The following ZKSCAN3 variants were observed in gnomAD, a reference collection of about 807,000 sequenced individuals.
The protein encoded by ZKSCAN3 is zinc finger with KRAB and SCAN domains 3.
ZKSCAN3 carries 21 observed loss-of-function variants against 30.7 expected under a neutral mutation model. The observed-to-expected ratio is 0.68, with a 90% CI of 0.49 to 0.99. The LOEUF is 0.99. Ranked by LOEUF, ZKSCAN3 falls within the 50% of genes least tolerant of loss-of-function variation. The pLI, the probability that ZKSCAN3 is intolerant of heterozygous loss-of-function variation, is 0.00. For synonymous variants in ZKSCAN3, 201 were observed against 246.7 expected (o/e 0.81, Z 1.73); for missense variants, 507 against 647.1 (o/e 0.78, Z 2.35).
Position 28,367,277 on chromosome 6 carries a change from T to A in ZKSCAN3, c.*992T>A, listed in dbSNP as rs1766004152. ...TTCTAGTGCAAATGCCTTAAAAAGC[T>A]TATCACTAAATCATTACGAATGTGT... On this transcript the variant is annotated 3_prime_UTR_variant, in exon 6 of 6. Coordinates refer to ENST00000252211, the MANE Select transcript of ZKSCAN3 (RefSeq NM_024493.4). 1 of 151,238 alleles carries A rather than the reference T, an allele frequency of 6.6e-6. No homozygotes were observed. Among genetic ancestry groups the A allele is most frequent in the Non-Finnish European group, 1.5e-5 (1 of 67,958 alleles). 9.4% of individuals were successfully genotyped at this position (151,238 alleles called of 1,614,324 possible).
At chr6:28,350,970 A>G (rs1764968794) in intron 1 of ZKSCAN3, among the ~76,000 whole-genome samples, 1 of 152,148 alleles carries the variant, frequency 6.6e-6, no homozygotes, top group Non-Finnish European at 1.5e-5. Context: ...CAAAAATCTG[A>G]TGTCCTGCTT....
chr6:28,363,653 G>A, intron 4 of ZKSCAN3, 39 bp from the exon 5 acceptor site: 1 of 1,613,100 alleles, frequency 6.2e-7, no homozygotes, highest in Non-Finnish European at 8.5e-7. Context: ...CCACCATTTT[G>A]GTCAGCCCCT....
At chr6:28,353,157 C>T (rs1278693582) in intron 1 of ZKSCAN3, among the ~76,000 whole-genome samples, 2 of 151,848 alleles carry the variant, frequency 1.3e-5, no homozygotes, top group East Asian at 1.9e-4. Context: ...TTAGTAGAGA[C>T]GGGGTTTCAC....
At chr6:28,364,883 A>C (rs1034412927) in intron 5 of ZKSCAN3, among the ~76,000 whole-genome samples, 4 of 151,980 alleles carry the variant, frequency 2.6e-5, no homozygotes, top group African/African-American at 9.7e-5. Context: ...ACCCACCACC[A>C]TGCCCGGCTA....
Position 28,359,772 on chromosome 6 carries a change from G to A in ZKSCAN3, c.186G>A (p.Glu62=), listed in dbSNP as rs1166215018. 3 of 1,614,120 alleles carry A rather than the reference G, an allele frequency of 1.9e-6. No homozygotes were observed. Among genetic ancestry groups the A allele is most frequent in the East Asian group, 4.5e-5 (2 of 44,900 alleles). The change falls in exon 2 of 6, where the codon GAG becomes GAA. Residue 62 remains glutamate (E), a synonymous_variant. Transcript: ENST00000252211. ...ACCCGGAGGCTGCAGGCCCCCGCGA[G>A]GCGCTGAGTCGGCTCCGAGAGCTCT... ...FRYPEAAGPR[E]ALSRLRELCR...
At position 28,361,423 on chromosome 6, in the gene ZKSCAN3, G is replaced by C; in HGVS notation, c.502G>C (p.Ala168Pro). 6.2e-7 allele frequency: 1 copy of C among 1,613,960 alleles called. No individual in the cohort carries two copies. Among genetic ancestry groups the C allele is most frequent in the South Asian group, 1.1e-5 (1 of 91,026 alleles). ...SQSSQFQLMK[A>P]LLKHESVGSQ... ...AAGTAGCCAATTTCAGCTAATGAAG[G>C]CTCTGCTCAAGCATGAATCTGTGGG... is the stretch of plus-strand genomic sequence containing the variant. Residue 168 changes from alanine to proline, a missense_variant, in exon 3 of 6, where the codon GCT (alanine) becomes CCT (proline). Transcript: ENST00000252211.
chr6:28,366,053 C>T lies in ZKSCAN3; in HGVS notation c.1385C>T (p.Ala462Val). The change falls in exon 6 of 6, where the codon GCC becomes GTC. Residue 462 changes from alanine to valine, a missense_variant. By Grantham distance (64) the Ala-to-Val change is moderately conservative (BLOSUM62 0). Coordinates refer to ENST00000252211, the MANE Select transcript of ZKSCAN3 (RefSeq NM_024493.4). ...KNVQEPEQGE[A>V]WKSRMESQLE... Reference sequence around the variant, plus strand: ...GTTCAGGAACCTGAGCAGGGAGAGGCCTGGAAAAGTAGGATGGAAAGCCAG... The same window carrying T: ...GTTCAGGAACCTGAGCAGGGAGAGGTCTGGAAAAGTAGGATGGAAAGCCAG... The T allele has an allele frequency of 6.2e-7, 1 of 1,609,568 alleles. No homozygotes were observed. The highest frequency in any genetic ancestry group is 8.5e-7 in the Non-Finnish European group (1 of 1,178,218).
At chr6:28,361,684 G>A (rs2113922939) in intron 3 of ZKSCAN3, among the ~76,000 whole-genome samples, 1 of 152,042 alleles carries the variant, frequency 6.6e-6, no homozygotes, top group East Asian at 1.9e-4. Flanking sequence ...GTAAAACTTA[G>A]GTTTGGAAAG....
Position 28,359,935 on chromosome 6 carries a change from G to A in ZKSCAN3, c.349G>A (p.Val117Met), listed in dbSNP as rs770671984. Residue 117 changes from valine (V) to methionine (M), a missense_variant, in exon 2 of 6, where the codon GTG (valine) becomes ATG (methionine). Val to Met is a conservative substitution (Grantham distance 21). Transcript: ENST00000252211. ...GCAGCATCCAGAGAGCGGGGAGGAG[G>A]TGGTGGTGCTATTGGAGTATTTGGA... ...REQHPESGEE[V>M]VVLLEYLERQ... is the part of the protein sequence containing the mutation. The A allele has an allele frequency of 1.2e-6, 2 of 1,614,130 alleles. No individual in the cohort carries two copies. Among genetic ancestry groups the A allele is most frequent in the South Asian group, 1.1e-5 (1 of 91,080 alleles).
intron 1 of ZKSCAN3, chr6:28,353,883 G>A (rs189664791): frequency 8.3e-4 from 381 of 456,530 alleles, no homozygotes; most frequent in Non-Finnish European, 1.4e-3. Flanking sequence ...CAAGTGTCAG[G>A]TTCCAGCCCA....
Position 28,366,265 on chromosome 6 carries a change from A to G in ZKSCAN3, c.1597A>G (p.Lys533Glu). Residue 533 changes from lysine to glutamate, a missense_variant, in exon 6 of 6, where the codon AAA becomes GAA. By Grantham distance (56) the Lys-to-Glu change is moderately conservative (BLOSUM62 1). Transcript: ENST00000252211. The stretch of plus-strand genomic sequence containing the variant: ...TCAACATCAGAGAAGCCATGTAGGG[A>G]AAAACATCCTATCACAGTGACCCAT... ...LVQHQRSHVGKNILSQ is the reference protein window; with the variant it reads ...LVQHQRSHVGENILSQ 2 of 1,535,826 alleles carry G rather than the reference A, an allele frequency of 1.3e-6. No individual in the cohort carries two copies. The highest frequency in any genetic ancestry group is 1.3e-5 in the South Asian group (1 of 76,106).
Position 28,351,351 on chromosome 6 carries a change from C to A in ZKSCAN3, c.-63+1284C>A, listed in dbSNP as rs1347903414. On this transcript the variant is annotated intron_variant, in intron 1 of 5. Coordinates refer to ENST00000252211, the MANE Select transcript of ZKSCAN3 (RefSeq NM_024493.4). The surrounding 1 kb of genome is among the most constrained non-coding windows in gnomAD (Gnocchi z 4.6). Reference sequence around the variant, plus strand: ...CCCCACCGTGGACACCCTCCTCATTCCACTTGGGCTCCAGATTCACTCTGG... The same window carrying A: ...CCCCACCGTGGACACCCTCCTCATTACACTTGGGCTCCAGATTCACTCTGG... 7.2e-5 allele frequency among the ~76,000 whole-genome samples: 11 copies of A among 152,300 alleles called. No individual in the cohort carries two copies. In the East Asian group the frequency reaches 2.1e-3, roughly 29 times the overall value.
chr6:28,360,012 T>C, intron 2 of ZKSCAN3, 24 bp downstream of exon 2: 1 of 1,614,204 alleles, frequency 6.2e-7, no homozygotes, highest in South Asian at 1.1e-5. Flanking sequence ...GTTTAGTATC[T>C]GAGCGCTGTG....
chr6:28,361,428 G>A lies in ZKSCAN3; in HGVS notation c.507G>A (p.Leu169=), dbSNP rs1240013840. 2 of 1,613,816 alleles carry A rather than the reference G, an allele frequency of 1.2e-6. No homozygotes were observed. The highest frequency in any genetic ancestry group is 2.7e-5 in the African/African-American group (2 of 74,904). ...QSSQFQLMKA[L]LKHESVGSQP... ...GCCAATTTCAGCTAATGAAGGCTCT[G>A]CTCAAGCATGAATCTGTGGGATCCC... Residue 169 remains leucine, a synonymous_variant, in exon 3 of 6, where the codon CTG becomes CTA. Coordinates refer to ENST00000252211, the MANE Select transcript of ZKSCAN3 (RefSeq NM_024493.4).
In ZKSCAN3 at chr6:28,366,282, G is replaced by A. The variant is rs528611796; in HGVS notation, c.1614G>A (p.Gln538=). Residue 538 remains glutamine, a synonymous_variant, in exon 6 of 6, where the codon CAG becomes CAA. Coordinates refer to ENST00000252211, the MANE Select transcript of ZKSCAN3 (RefSeq NM_024493.4). ...ATGTAGGGAAAAACATCCTATCACA[G>A]TGACCCATGCCATACATGCCAGAGT... The part of the protein sequence containing the change: ...RSHVGKNILS[Q] 2 of 1,520,056 alleles carry A rather than the reference G, an allele frequency of 1.3e-6. No individual in the cohort carries two copies. Among genetic ancestry groups the A allele is most frequent in the African/African-American group, 1.5e-5 (1 of 66,744 alleles). The allele number at this position is 1,520,056 out of a possible 1,614,324, so 94.2% of individuals were successfully genotyped here.
Position 28,366,155 on chromosome 6 carries a change from T to C in ZKSCAN3, c.1487T>C (p.Ile496Thr), listed in dbSNP as rs773405385. The C allele has an allele frequency of 1.2e-6, 2 of 1,608,748 alleles. No individual in the cohort carries two copies. The highest frequency in any genetic ancestry group is 1.7e-6 in the Non-Finnish European group (2 of 1,177,942). ...AGTTTCACTCAGAATACAGGCCTCATTGAACATCAAAAAATCCACACTGGT... is the reference window on the plus strand; with the variant it reads ...AGTTTCACTCAGAATACAGGCCTCACTGAACATCAAAAAATCCACACTGGT... ...ERSFTQNTGL[I>T]EHQKIHTGEK... Residue 496 changes from isoleucine (I) to threonine (T), a missense_variant, in exon 6 of 6, where the codon ATT becomes ACT. Physicochemically the swap from Ile to Thr is moderately conservative, Grantham distance 89. Transcript: ENST00000252211.
chr6:28,364,798 G>A (rs1765894070), intron 5 of ZKSCAN3, among the ~76,000 whole-genome samples: 1 of 152,068 alleles, frequency 6.6e-6, no homozygotes, highest in South Asian at 2.1e-4. Context: ...TGCAGTCTTG[G>A]CTCACTGCAT....
chr6:28,352,526 G>T (rs752350088), intron 1 of ZKSCAN3, among the ~76,000 whole-genome samples: 1 of 152,164 alleles, frequency 6.6e-6, no homozygotes, highest in Non-Finnish European at 1.5e-5. Flanking sequence ...TGGGATTACA[G>T]GTGTGAGCCA....
chr6:28,353,079 C>A (rs1765166155), intron 1 of ZKSCAN3, among the ~76,000 whole-genome samples: 2 of 151,700 alleles, frequency 1.3e-5, no homozygotes, highest in African/African-American at 2.4e-5. Context: ...AGCGATTCTC[C>A]TGCCTCAGCC....
Sources: allele counts gnomAD v4.1 joint callset (sites outside exome capture counted in the v4.1 genomes callset), GRCh38; gene constraint gnomAD v4.1.1; non-coding constraint Gnocchi (gnomAD v3.1); transcripts MANE v1.5; gene names NCBI Gene and HGNC (gene_info 2026-07-23, HGNC 2026-07-21).